The following NRCAM variants were observed in gnomAD, a reference collection of about 807,000 sequenced individuals.
The protein encoded by NRCAM is NgCAM-related cell adhesion molecule.
A neutral mutation model predicts 156.5 loss-of-function variants in NRCAM; 83 were observed. That is an observed-to-expected ratio of 0.53 (90% CI 0.44 to 0.64). The LOEUF (loss-of-function observed/expected upper bound fraction) is 0.64, where lower values mean the gene tolerates loss of function less well. Ranked by LOEUF, NRCAM falls within the 30% of genes least tolerant of loss-of-function variation. NRCAM has a pLI of 0.00. For synonymous variants in NRCAM, 538 were observed against 563.9 expected, an observed-to-expected ratio of 0.95 and a Z score of 0.65; for missense variants, 1,417 against 1,597.3, an observed-to-expected ratio of 0.89 and a Z score of 1.92.
At chr7:108,371,231 C>T (rs1325343924) in intron 2 of NRCAM, among the ~76,000 whole-genome samples, 3 of 152,120 alleles carry the variant, frequency 2.0e-5, no homozygotes, top group African/African-American at 4.8e-5. Flanking sequence ...CATAAAAACA[C>T]GTTAGTGTAA....
Position 108,154,410 on chromosome 7 carries a change from CTCT to C in NRCAM, c.3678-4266_3678-4264del, listed in dbSNP as rs776512843. On this transcript the variant is annotated intron_variant, in intron 32 of 32. Coordinates refer to ENST00000379028, the MANE Select transcript of NRCAM (RefSeq NM_001037132.4). ...TTGTGTCGAGCAACATTACTAAACT[CTCT>C]TATTATAATATTTGCTTGTTGATTC... is the stretch of plus-strand genomic sequence containing the variant. Among the ~76,000 whole-genome samples, 12 of 152,218 alleles carry C rather than the reference CTCT, an allele frequency of 7.9e-5. No homozygotes were observed. The East Asian group carries it at 2.3e-3, about 29-fold the overall frequency.
chr7:108,228,329 A>AC (rs141009548), intron 8 of NRCAM, among the ~76,000 whole-genome samples: 4 of 140,006 alleles, frequency 2.9e-5, no homozygotes, highest in Admixed American at 7.0e-5. Context: ...CTAAAACAAA[A>AC]AAAAAAACCC....
intron 2 of NRCAM, among the ~76,000 whole-genome samples, chr7:108,369,539 T>C (rs1267313334): frequency 6.6e-6 from 1 of 152,148 alleles, no homozygotes; most frequent in Admixed American, 6.6e-5. Context: ...TTCAAATATA[T>C]ATTGTTCCCA....
chr7:108,341,452 ACT>A (rs2099276280), intron 2 of NRCAM, among the ~76,000 whole-genome samples: 3 of 152,178 alleles, frequency 2.0e-5, no homozygotes, highest in Non-Finnish European at 4.4e-5. Flanking sequence ...CTAAGTTGTG[ACT>A]GGGGAACTTT....
intron 2 of NRCAM, among the ~76,000 whole-genome samples, chr7:108,338,536 G>T (rs2099233413): frequency 6.8e-6 from 1 of 146,440 alleles, no homozygotes; most frequent in South Asian, 2.3e-4. Context: ...TTTGTAAATG[G>T]CTAAGAGAGG....
chr7:108,203,187 C>T (rs1337781227), intron 13 of NRCAM, among the ~76,000 whole-genome samples: 1 of 152,246 alleles, frequency 6.6e-6, no homozygotes, highest in African/African-American at 2.4e-5. Flanking sequence ...TCTATTTTCA[C>T]ACCCTCCCAT....
chr7:108,340,242 A>G (rs1037352608), intron 2 of NRCAM, among the ~76,000 whole-genome samples: 1 of 152,184 alleles, frequency 6.6e-6, no homozygotes, highest in Admixed American at 6.5e-5. Context: ...AAGAGTGCCA[A>G]TATTCCCCGT....
At chr7:108,409,029 T>C (rs1792003966) in intron 1 of NRCAM, among the ~76,000 whole-genome samples, 1 of 152,070 alleles carries the variant, frequency 6.6e-6, no homozygotes. Flanking sequence ...GAGCTGTTTG[T>C]GTGAGGGAAG....
chr7:108,361,359 A>C (rs2099549202), intron 2 of NRCAM, among the ~76,000 whole-genome samples: 1 of 152,194 alleles, frequency 6.6e-6, no homozygotes, highest in Non-Finnish European at 1.5e-5. Context: ...TATTTTGCCA[A>C]ACATTTTTCT....
intron 9 of NRCAM, 54 bp from the exon 10 acceptor site, chr7:108,225,755 A>G (rs1030049380): frequency 4.6e-6 from 5 of 1,093,244 alleles, no homozygotes; most frequent in Non-Finnish European, 7.1e-6. Flanking sequence ...AGAAGGGTCA[A>G]AAAGTATTGG....
At chr7:108,162,098 G>C (rs2049423285) in intron 30 of NRCAM, among the ~76,000 whole-genome samples, 1 of 152,214 alleles carries the variant, frequency 6.6e-6, no homozygotes, top group Non-Finnish European at 1.5e-5. Context: ...AATTCTCTGA[G>C]GTAGGCATCA....
In NRCAM at chr7:108,182,806, T is replaced by A; in HGVS notation, c.2419A>T (p.Ile807Phe). 1.9e-6 allele frequency: 3 copies of A among 1,614,226 alleles called. No homozygotes were observed. The highest frequency in any genetic ancestry group is 2.7e-5 in the African/African-American group (2 of 75,066). ...ACAAAGGTTGGCGTGCCTGAGACAA[T>A]ATATTTGGATACATTTGCCACAACC... The part of the protein sequence containing the change: ...SVVVANVSKY[I>F]VSGTPTFVPY... The change falls in exon 23 of 33, where the codon ATT becomes TTT. Residue 807 changes from isoleucine (I) to phenylalanine (F), a missense_variant. This residue lies in a region of NRCAM where 1,238 missense variants were observed against 1,336.4 expected (regional missense o/e 0.93). Coordinates refer to ENST00000379028, the MANE Select transcript of NRCAM (RefSeq NM_001037132.4).
At chr7:108,422,639 G>C (rs887548100) in intron 1 of NRCAM, among the ~76,000 whole-genome samples, 6 of 152,160 alleles carry the variant, frequency 3.9e-5, no homozygotes, top group African/African-American at 1.4e-4. Context: ...AAAAAGAAAA[G>C]GGCAATAGGA....
At chr7:108,388,044 C>T (rs556486950) in intron 2 of NRCAM, among the ~76,000 whole-genome samples, 1 of 152,224 alleles carries the variant, frequency 6.6e-6, no homozygotes, top group Admixed American at 6.5e-5. Flanking sequence ...TTTATAGCAG[C>T]ATGATTTATA....
At chr7:108,449,799 A>AT (rs1209944773) in intron 1 of NRCAM, among the ~76,000 whole-genome samples, 3 of 152,152 alleles carry the variant, frequency 2.0e-5, no homozygotes, top group Non-Finnish European at 4.4e-5. Context: ...CTCATACTGA[A>AT]TTTTTTGAAT....
intron 3 of NRCAM, among the ~76,000 whole-genome samples, chr7:108,256,506 T>C (rs1295970831): frequency 6.6e-6 from 1 of 151,036 alleles, no homozygotes; most frequent in Non-Finnish European, 1.5e-5. Context: ...CAGGGTCCTC[T>C]GCCTAGGAAA....
rs552705602 is a variant in NRCAM, at chr7:108,395,061, T to A, written c.-174+4375A>T. The stretch of plus-strand genomic sequence containing the variant: ...GAAAGTCAACAACTGGCAAGAATGG[T>A]TTTATTAGGGCATGAATTAGAAATA... On this transcript the variant is annotated intron_variant, in intron 2 of 32. Coordinates refer to ENST00000379028, the MANE Select transcript of NRCAM (RefSeq NM_001037132.4). 3.0e-4 allele frequency among the ~76,000 whole-genome samples: 46 copies of A among 152,282 alleles called. No individual in the cohort carries two copies. The South Asian group carries it at 9.1e-3, about 30-fold the overall frequency.
At chr7:108,310,404 A>G (rs2098786576) in intron 3 of NRCAM, among the ~76,000 whole-genome samples, 1 of 152,206 alleles carries the variant, frequency 6.6e-6, no homozygotes, top group East Asian at 1.9e-4. Context: ...GAATGTACAC[A>G]TTAGGGTTAA....
At chr7:108,226,125 G>C in intron 9 of NRCAM, 83 bp downstream of exon 9, 1 of 967,914 alleles carries the variant, frequency 1.0e-6, no homozygotes, top group Non-Finnish European at 1.5e-6. Flanking sequence ...TTACTTCAAA[G>C]TCAGTAGTAT....
Sources: allele counts gnomAD v4.1 joint callset (sites outside exome capture counted in the v4.1 genomes callset), GRCh38; gene constraint gnomAD v4.1.1; regional missense constraint gnomAD v4.1.1; transcripts MANE v1.5; gene names NCBI Gene and HGNC (gene_info 2026-07-23, HGNC 2026-07-21).